Variants in EXT1 observed in about 807,000 individuals in gnomAD.
The protein encoded by EXT1 is exostosin glycosyltransferase 1, also known as exostosin-1.
Under a neutral mutation model 82.5 loss-of-function variants are expected in EXT1, and 20 were observed. That is an observed-to-expected ratio of 0.24 (90% CI 0.17 to 0.35). The LOEUF is 0.35. Among genes scored for constraint, EXT1 ranks in the 10% least tolerant of loss-of-function variants. The pLI is 1.00. For missense variants in EXT1, 757 were observed against 936.5 expected, an observed-to-expected ratio of 0.81 and a Z score of 2.50; for synonymous variants, 348 against 350.8, an observed-to-expected ratio of 0.99 and a Z score of 0.09.
chr8:118,003,174 T>A (rs929020019), intron 1 of EXT1, among the ~76,000 whole-genome samples: 2 of 152,244 alleles, frequency 1.3e-5, no homozygotes, highest in Non-Finnish European at 2.9e-5. Flanking sequence ...CATCATATGT[T>A]CTCACTCATA....
chr8:117,818,587 C>T, intron 6 of EXT1, 57 bp from the exon 7 acceptor site: 1 of 1,273,748 alleles, frequency 7.9e-7, no homozygotes, highest in Non-Finnish European at 1.1e-6. Flanking sequence ...TGTATGCCTC[C>T]AACCCAAAGC....
intron 1 of EXT1, among the ~76,000 whole-genome samples, chr8:118,089,373 G>A (rs1011919008): frequency 6.6e-6 from 1 of 152,168 alleles, no homozygotes; most frequent in African/African-American, 2.4e-5. Flanking sequence ...CCTTATAGCT[G>A]TAAAAACAGA....
chr8:117,803,947 T>C (rs545400384), intron 10 of EXT1, among the ~76,000 whole-genome samples: 6 of 152,318 alleles, frequency 3.9e-5, no homozygotes, highest in African/African-American at 1.4e-4. Flanking sequence ...AAATTAAATA[T>C]TGTGATTCCT....
chr8:117,827,258 G>A (rs17474532), intron 4 of EXT1, among the ~76,000 whole-genome samples: 2,333 of 152,268 alleles, frequency 0.015, 73 homozygotes, highest in African/African-American at 0.053. Context: ...AAATAGAGAT[G>A]TAGTTTAAGA....
intron 1 of EXT1, among the ~76,000 whole-genome samples, chr8:117,857,627 G>C (rs1034029816): frequency 5.9e-5 from 9 of 151,946 alleles, no homozygotes; most frequent in East Asian, 1.9e-4. Flanking sequence ...TTGAGACCAG[G>C]AGTTTGTGGT....
intron 1 of EXT1, among the ~76,000 whole-genome samples, chr8:117,942,723 AG>A (rs1204007325): frequency 6.6e-6 from 1 of 152,200 alleles, no homozygotes; most frequent in Non-Finnish European, 1.5e-5. Flanking sequence ...AAAAAACGAA[AG>A]AAAAAGAAAA....
chr8:118,096,986 G>A (rs1032300690), intron 1 of EXT1, among the ~76,000 whole-genome samples: 2 of 152,210 alleles, frequency 1.3e-5, no homozygotes, highest in East Asian at 1.9e-4. Flanking sequence ...CTTCCTGTGA[G>A]TCAGTCGGGC....
intron 10 of EXT1, 44 bp downstream of exon 10, chr8:117,804,678 C>T: frequency 6.2e-7 from 1 of 1,610,424 alleles, no homozygotes; most frequent in Non-Finnish European, 8.5e-7. Context: ...TGGGGCTGAA[C>T]CACCAGTGAG....
chr8:118,110,572 C>T lies in EXT1; in HGVS notation c.475G>A (p.Asp159Asn). The change falls in exon 1 of 11, where the codon GAT becomes AAT. Residue 159 changes from aspartate (D) to asparagine (N), a missense_variant. Around this residue, in one of 4 missense-constraint regions of EXT1, gnomAD observed 247 missense variants for 330.1 expected, o/e 0.75. Coordinates refer to ENST00000378204, the MANE Select transcript of EXT1 (RefSeq NM_000127.3). ...SQACLFVLSL[D>N]TLDRDQLSPQ... ...GACAACTGGTCTCTGTCTAAAGTAT[C>T]CAGACTCAGGACAAAGAGGCACGCC... The T allele has an allele frequency of 6.2e-7, 1 of 1,614,180 alleles. No homozygotes were observed. Among genetic ancestry groups the T allele is most frequent in the Non-Finnish European group, 8.5e-7 (1 of 1,180,024 alleles).
At chr8:118,069,291 T>C (rs1817046046) in intron 1 of EXT1, among the ~76,000 whole-genome samples, 1 of 152,188 alleles carries the variant, frequency 6.6e-6, no homozygotes, top group African/African-American at 2.4e-5. Context: ...TAGCTTAAAA[T>C]TTCTACAAAC....
chr8:117,981,850 C>G (rs1033660328), intron 1 of EXT1, among the ~76,000 whole-genome samples: 11 of 151,778 alleles, frequency 7.2e-5, no homozygotes, highest in African/African-American at 2.7e-4. Flanking sequence ...AGCACTTCAG[C>G]CTGGGTGTCA....
At chr8:117,821,736 T>C (rs1811927669) in intron 5 of EXT1, among the ~76,000 whole-genome samples, 2 of 152,206 alleles carry the variant, frequency 1.3e-5, no homozygotes, top group Admixed American at 1.3e-4. Context: ...GAAGATGCTT[T>C]CCTGTCCTAG....
chr8:117,965,058 G>C (rs1293728071), intron 1 of EXT1, among the ~76,000 whole-genome samples: 2 of 152,144 alleles, frequency 1.3e-5, no homozygotes, highest in Non-Finnish European at 2.9e-5. Context: ...GAAAAAGTCA[G>C]AAATAAATGA....
intron 8 of EXT1, among the ~76,000 whole-genome samples, chr8:117,812,657 T>G (rs1823345606): frequency 6.6e-6 from 1 of 152,014 alleles, no homozygotes; most frequent in Non-Finnish European, 1.5e-5. Context: ...AGGAGCCAAT[T>G]AGCAGAGACA....
chr8:117,935,518 T>C (rs916391268), intron 1 of EXT1, among the ~76,000 whole-genome samples: 1 of 151,874 alleles, frequency 6.6e-6, no homozygotes, highest in Admixed American at 6.6e-5. Flanking sequence ...CACCAACAGC[T>C]AATTCATTTT....
chr8:117,830,369 C>T lies in EXT1; in HGVS notation c.1165-20G>A. The T allele has an allele frequency of 6.2e-7, 1 of 1,613,246 alleles. No homozygotes were observed. On this transcript the variant is annotated intron_variant, in intron 3 of 10. Transcript: ENST00000378204. ...AGGAATCTGTAACACAAGGTGAACACATAGGAATTATAACTGTAAAACAAA... is the reference window on the plus strand; with the variant it reads ...AGGAATCTGTAACACAAGGTGAACATATAGGAATTATAACTGTAAAACAAA...
Position 117,797,721 on chromosome 8 carries a change from T to C in EXT1, c.*1991A>G, listed in dbSNP as rs1235844274. On this transcript the variant is annotated 3_prime_UTR_variant, in exon 11 of 11. Coordinates refer to ENST00000378204, the MANE Select transcript of EXT1 (RefSeq NM_000127.3). The stretch of plus-strand genomic sequence containing the variant: ...GAAACCTGTAAGACCAAACATTTTA[T>C]AGAAAAGACACAAGTGCAAGCACCA... 6.6e-6 allele frequency: 1 copy of C among 152,188 alleles called. No homozygotes were observed. Among genetic ancestry groups the C allele is most frequent in the Non-Finnish European group, 1.5e-5 (1 of 68,026 alleles). 9.4% of individuals were successfully genotyped at this position (152,188 alleles called of 1,614,324 possible). A position where few individuals can be genotyped will look rare whatever the true frequency, so the allele number is the denominator to read the frequency against.
At chr8:117,998,723 C>T (rs1417817736) in intron 1 of EXT1, among the ~76,000 whole-genome samples, 1 of 152,120 alleles carries the variant, frequency 6.6e-6, no homozygotes, top group Non-Finnish European at 1.5e-5. Context: ...GAGCTGAATA[C>T]AGGCAAGGCT....
chr8:118,051,895 G>A (rs1190975396), intron 1 of EXT1, among the ~76,000 whole-genome samples: 3 of 152,106 alleles, frequency 2.0e-5, no homozygotes, highest in Admixed American at 1.3e-4. Context: ...ACCTCATTTT[G>A]AAGTCAGGCG....
Sources: allele counts gnomAD v4.1 joint callset (sites outside exome capture counted in the v4.1 genomes callset), GRCh38; gene constraint gnomAD v4.1.1; regional missense constraint gnomAD v4.1.1; transcripts MANE v1.5; gene names NCBI Gene and HGNC (gene_info 2026-07-23, HGNC 2026-07-21).